ZNF69: variants seen among roughly 807,000 people sequenced by gnomAD.
ZNF69 encodes ZNF3.
A neutral mutation model predicts 50.9 loss-of-function variants in ZNF69; 47 were observed. The observed-to-expected ratio is 0.92, with a 90% CI of 0.73 to 1.18. The LOEUF (loss-of-function observed/expected upper bound fraction) is 1.18, where lower values mean the gene tolerates loss of function less well. Among genes scored for constraint, ZNF69 ranks in the 50% most tolerant of loss-of-function variants. The pLI is 0.00. For missense variants in ZNF69, 717 were observed against 675.1 expected, an observed-to-expected ratio of 1.06 and a Z score of -0.69; for synonymous variants, 216 against 223.1, an observed-to-expected ratio of 0.97 and a Z score of 0.29.
the ZNF69 span, chr19:11,953,152 C>G: frequency 1.4e-4 from 21 of 152,230 alleles, no homozygotes; most frequent in African/African-American, 4.8e-4. Context: ...CCTTGAAGGC[C>G]AAATGCACCC....
chr19:11,909,531 C>T (rs1319529097), downstream of ZNF69, among the ~76,000 whole-genome samples: 22 of 152,248 alleles, frequency 1.4e-4, no homozygotes, highest in South Asian at 2.1e-4. Flanking sequence ...AAGCAATAAA[C>T]GTAATCCATC....
the ZNF69 span, among the ~76,000 whole-genome samples, chr19:11,928,296 A>C: frequency 6.6e-6 from 1 of 152,116 alleles, no homozygotes; most frequent in Non-Finnish European, 1.5e-5. Flanking sequence ...CTGGCTAACA[A>C]CTTAATTCGT....
chr19:11,960,601 GTT>G, the ZNF69 span, among the ~76,000 whole-genome samples: 24 of 143,460 alleles, frequency 1.7e-4, no homozygotes, highest in African/African-American at 3.2e-4. Context: ...GCAATGAGCG[GTT>G]TTTTTTTTTT....
the ZNF69 span, among the ~76,000 whole-genome samples, chr19:11,943,423 G>A: frequency 6.6e-6 from 1 of 152,166 alleles, no homozygotes; most frequent in Non-Finnish European, 1.5e-5. Context: ...GCCAGTTTTA[G>A]TAGTGATTAT....
chr19:11,934,509 T>C, the ZNF69 span, among the ~76,000 whole-genome samples: 1 of 148,094 alleles, frequency 6.8e-6, no homozygotes, highest in Non-Finnish European at 1.5e-5. Flanking sequence ...TTTCTTTTTT[T>C]TCTTTTTTTC....
the ZNF69 span, among the ~76,000 whole-genome samples, chr19:11,932,828 G>A: frequency 7.5e-5 from 11 of 147,406 alleles, 2 homozygotes; most frequent in South Asian, 4.2e-4. Flanking sequence ...TAGTAGAGAC[G>A]GGGTTTCACC....
chr19:11,904,020 A>G (rs1446666194), intron 3 of ZNF69, 55 bp downstream of exon 3: 1 of 1,546,720 alleles, frequency 6.5e-7, no homozygotes, highest in African/African-American at 1.4e-5. Context: ...TTAGAATATG[A>G]CAATATATTA....
At chr19:11,977,427 T>G in the ZNF69 span, 1 of 1,613,920 alleles carries the variant, frequency 6.2e-7, no homozygotes, top group Non-Finnish European at 8.5e-7. Flanking sequence ...CAGGAGAAAC[T>G]TCAGGTAATT....
chr19:11,946,570 T>C, the ZNF69 span, among the ~76,000 whole-genome samples: 1 of 152,174 alleles, frequency 6.6e-6, no homozygotes, highest in Non-Finnish European at 1.5e-5. Context: ...CAGGAACTTG[T>C]CTGGATACCC....
the ZNF69 span, chr19:11,977,090 C>T: frequency 5.6e-6 from 9 of 1,614,096 alleles, no homozygotes; most frequent in South Asian, 9.9e-5. Flanking sequence ...GAGGAGTGGG[C>T]TTTGCTGGAT....
chr19:11,949,219 T>G, the ZNF69 span: 2 of 1,613,818 alleles, frequency 1.2e-6, no homozygotes, highest in Non-Finnish European at 1.7e-6. Context: ...TGGTAAAGCC[T>G]TCAATCTTTC....
rs747400091 is a variant in ZNF69, at chr19:11,903,714, TTCC to T, written c.190+17_190+19del. 2.5e-6 allele frequency: 4 copies of T among 1,613,516 alleles called. No homozygotes were observed. The African/African-American group carries it at 4.0e-5, about 16-fold the overall frequency. ...GACCTCTGTAGGTAAGGATGACATATTCCTTCCCTCAGTCCATTAGTGAACCAG... is the reference window on the plus strand; with the variant it reads ...GACCTCTGTAGGTAAGGATGACATATTTCCCTCAGTCCATTAGTGAACCAG... On this transcript the variant is annotated intron_variant, in intron 2 of 3. Transcript: ENST00000429654.
Position 11,905,817 on chromosome 19 carries a change from G to A in ZNF69, c.1420G>A (p.Gly474Arg). ...ACAAACACACGTAAGAATACACTCT[G>A]GAGAAAGACCTTATAAATGTAAGCT... ...RTQTHVRIHS[G>R]ERPYKCKLCG... Residue 474 changes from glycine (G) to arginine (R), a missense_variant, in exon 4 of 4, where the codon GGA becomes AGA. Gly to Arg is a moderately radical substitution (Grantham distance 125, BLOSUM62 -2). Transcript: ENST00000429654. The A allele has an allele frequency of 6.2e-7, 1 of 1,613,720 alleles. No individual in the cohort carries two copies. The highest frequency in any genetic ancestry group is 8.5e-7 in the Non-Finnish European group (1 of 1,179,972).
At chr19:11,966,575 T>C in the ZNF69 span, among the ~76,000 whole-genome samples, 23 of 152,248 alleles carry the variant, frequency 1.5e-4, no homozygotes, top group East Asian at 3.9e-3. Context: ...GGCTTCACCA[T>C]GTTGGCCAGG....
chr19:11,928,637 C>T, the ZNF69 span, among the ~76,000 whole-genome samples: 4 of 144,142 alleles, frequency 2.8e-5, no homozygotes, highest in Admixed American at 2.8e-4. Flanking sequence ...GAGGCTGAGG[C>T]AGGAGAATGG....
intron 1 of ZNF69, among the ~76,000 whole-genome samples, chr19:11,897,625 C>T (rs1247863067): frequency 2.0e-5 from 3 of 150,012 alleles, no homozygotes; most frequent in East Asian, 3.9e-4. Flanking sequence ...CTAATCCCAG[C>T]ACTCTGGGAG....
intron 1 of ZNF69, among the ~76,000 whole-genome samples, chr19:11,888,688 C>T (rs1312838306): frequency 1.3e-5 from 2 of 152,064 alleles, no homozygotes; most frequent in East Asian, 1.9e-4. Flanking sequence ...AGGGACCTGG[C>T]CGGGCACGGT....
At position 11,904,801 on chromosome 19, in the gene ZNF69, G is replaced by A. The variant is rs1473290393; in HGVS notation, c.404G>A (p.Gly135Asp). The change falls in exon 4 of 4, where the codon GGC (glycine) becomes GAC (aspartate). Residue 135 changes from glycine (G) to aspartate (D), a missense_variant. By Grantham distance (94) the Gly-to-Asp change is moderately conservative. Coordinates refer to ENST00000429654, the MANE Select transcript of ZNF69 (RefSeq NM_001364730.1). ...GACAGCTTTGTGTGTGGAGAAGTTG[G>A]CCTAGGTAACTCATCTTTTAATATG... is the stretch of plus-strand genomic sequence containing the variant. ...SCDSFVCGEVGLGNSSFNMNI... is the reference protein window; with the variant it reads ...SCDSFVCGEVDLGNSSFNMNI... The A allele has an allele frequency of 6.2e-7, 1 of 1,613,834 alleles. No individual in the cohort carries two copies. Among genetic ancestry groups the A allele is most frequent in the East Asian group, 2.2e-5 (1 of 44,876 alleles).
At chr19:11,974,139 TTTCTTTCTTTCTTTCTTTCC>T in the ZNF69 span, among the ~76,000 whole-genome samples, 2 of 122,312 alleles carry the variant, frequency 1.6e-5, no homozygotes, top group African/African-American at 7.9e-5. Flanking sequence ...TCTTTCTTTC[TTTCTTTCTTTCTTTCTTTCC>T]TTCCTTCCTT....
Sources: allele counts gnomAD v4.1 joint callset (sites outside exome capture counted in the v4.1 genomes callset), GRCh38; gene constraint gnomAD v4.1.1; transcripts MANE v1.5; gene names NCBI Gene and HGNC (gene_info 2026-07-23, HGNC 2026-07-21).